The following NHS variants were observed in gnomAD, a reference collection of about 807,000 sequenced individuals.
The protein encoded by NHS is actin remodeling regulator NHS.
In NHS, 5 loss-of-function variants were observed where a neutral mutation model predicts 72.5. The observed-to-expected ratio is 0.07, with a 90% CI of 0.04 to 0.14. NHS has a LOEUF of 0.14. NHS is among the 10% of genes least tolerant of loss of function. The pLI is 1.00. For missense variants in NHS, 1,072 were observed against 1,355.7 expected (o/e 0.79, Z 3.29); for synonymous variants, 464 against 547.7 (o/e 0.85, Z 2.13).
intron 1 of NHS, among the ~76,000 whole-genome samples, chrX:17,475,401 T>C (rs751780252): frequency 8.9e-6 from 1 of 112,592 alleles, no homozygotes; most frequent in Non-Finnish European, 1.9e-5. Flanking sequence ...TTCTTTCAGA[T>C]AATGACCTGC....
chrX:17,564,096 C>CCTCG (rs2065429350), intron 1 of NHS, among the ~76,000 whole-genome samples: 1 of 111,634 alleles, frequency 9.0e-6, no homozygotes, highest in Non-Finnish European at 1.9e-5. Context: ...AGTACAATTA[C>CCTCG]CTCGCAGATC....
At chrX:17,693,009 G>A (rs956382774) in intron 3 of NHS, among the ~76,000 whole-genome samples, 1 of 111,854 alleles carries the variant, frequency 8.9e-6, no homozygotes, top group Non-Finnish European at 1.9e-5. Flanking sequence ...AACTGGTAAA[G>A]AACTTAAGTG....
At chrX:17,617,641 A>T (rs1162917855) in intron 1 of NHS, among the ~76,000 whole-genome samples, 1 of 112,043 alleles carries the variant, frequency 8.9e-6, no homozygotes, top group Non-Finnish European at 1.9e-5. Context: ...AGCACTCGGT[A>T]TTATTTATTT....
rs761204857 is a variant in NHS, at chrX:17,548,866, T to C, written c.566-138876T>C. Among the ~76,000 whole-genome samples, 14 of 111,230 alleles carry C rather than the reference T, an allele frequency of 1.3e-4. No individual in the cohort carries two copies. In the East Asian group the frequency reaches 4.0e-3, roughly 32 times the overall value. ...CTGGGGGATGGCTGCCCCCCCTTGC[T>C]TTTAAGGTGAACGTTGAATCAAGAC... On this transcript the variant is annotated intron_variant, in intron 1 of 8. Coordinates refer to ENST00000676302, the MANE Select transcript of NHS (RefSeq NM_001291867.2).
At chrX:17,652,612 T>A (rs2065935752) in intron 1 of NHS, among the ~76,000 whole-genome samples, 1 of 111,347 alleles carries the variant, frequency 9.0e-6, no homozygotes, top group South Asian at 3.8e-4. Flanking sequence ...AGAGTCTGGT[T>A]AATGAATTTA....
At chrX:17,402,024 G>T (rs141297413) in intron 1 of NHS, among the ~76,000 whole-genome samples, 465 of 111,683 alleles carry the variant, frequency 4.2e-3, no homozygotes, top group Middle Eastern at 0.014. Context: ...GTGGGCAAAA[G>T]ATTTGAATAG....
At chrX:17,671,301 G>A (rs181360432) in intron 1 of NHS, among the ~76,000 whole-genome samples, 274 of 112,477 alleles carry the variant, frequency 2.4e-3, no homozygotes, top group African/African-American at 8.2e-3. Flanking sequence ...ACTCAGCAGA[G>A]CTGCAGCAGA....
chrX:17,725,171 A>G (rs888454732), intron 6 of NHS, among the ~76,000 whole-genome samples, 176 bp from the exon 7 acceptor site: 1 of 110,290 alleles, frequency 9.1e-6, no homozygotes, highest in Non-Finnish European at 1.9e-5. Flanking sequence ...GGGGACGTGT[A>G]TATACACCCT....
At chrX:17,482,978 C>G (rs114650231) in intron 1 of NHS, among the ~76,000 whole-genome samples, 1 of 111,420 alleles carries the variant, frequency 9.0e-6, no homozygotes, top group South Asian at 3.8e-4. Context: ...CGTGGGGACA[C>G]GGAGCTGAGA....
chrX:17,524,348 T>G (rs2065163470), intron 1 of NHS, among the ~76,000 whole-genome samples: 1 of 112,109 alleles, frequency 8.9e-6, no homozygotes, highest in African/African-American at 3.2e-5. Context: ...CTCTTGTATA[T>G]GTACAGCTAT....
chrX:17,379,200 G>A (rs2064362578), intron 1 of NHS, among the ~76,000 whole-genome samples: 1 of 109,034 alleles, frequency 9.2e-6, no homozygotes, highest in Admixed American at 9.9e-5. Context: ...AGACAGGCTG[G>A]GGGGCTTCTT....
At chrX:17,637,847 ACT>A (rs1480688485) in intron 1 of NHS, among the ~76,000 whole-genome samples, 1 of 111,369 alleles carries the variant, frequency 9.0e-6, no homozygotes, top group Non-Finnish European at 1.9e-5. Context: ...GGAAAAACAA[ACT>A]CTCTGTTTTC....
chrX:17,422,592 C>T (rs1464258865), intron 1 of NHS, among the ~76,000 whole-genome samples: 3 of 111,633 alleles, frequency 2.7e-5, no homozygotes, highest in African/African-American at 9.8e-5. Context: ...GTTCTCCACT[C>T]ACTGGGTACC....
intron 1 of NHS, among the ~76,000 whole-genome samples, chrX:17,470,771 G>A (rs1161581837): frequency 9.0e-6 from 1 of 111,314 alleles, no homozygotes; most frequent in Non-Finnish European, 1.9e-5. Context: ...ATCTAATAAA[G>A]TAGACCTTTT....
At chrX:17,378,732 C>T (rs989170565) in intron 1 of NHS, among the ~76,000 whole-genome samples, 17 of 112,018 alleles carry the variant, frequency 1.5e-4, no homozygotes, top group African/African-American at 5.5e-4. Flanking sequence ...CCTCTGAGCA[C>T]ACACCTCAAA....
At chrX:17,428,852 G>C (rs1419773976) in intron 1 of NHS, among the ~76,000 whole-genome samples, 2 of 110,494 alleles carry the variant, frequency 1.8e-5, no homozygotes, top group African/African-American at 3.3e-5. Context: ...TTCTCTCTCT[G>C]TGTGTGTGTG....
At chrX:17,405,059 G>A (rs1429750981) in intron 1 of NHS, among the ~76,000 whole-genome samples, 1 of 111,934 alleles carries the variant, frequency 8.9e-6, no homozygotes, top group African/African-American at 3.2e-5. Flanking sequence ...GTGTTCAGTA[G>A]ATAACCTTCT....
intron 1 of NHS, among the ~76,000 whole-genome samples, chrX:17,503,410 A>G (rs1193505045): frequency 1.8e-5 from 2 of 112,165 alleles, no homozygotes; most frequent in African/African-American, 6.5e-5. Context: ...GGTACTTACT[A>G]TGTGTCAGGT....
At chrX:17,465,575 A>T (rs191509180) in intron 1 of NHS, among the ~76,000 whole-genome samples, 1 of 106,284 alleles carries the variant, frequency 9.4e-6, no homozygotes, top group African/African-American at 3.5e-5. Context: ...AGAGGCAAGA[A>T]TAGGGTTGCA....
Sources: gnomAD v4.1 joint callset for allele counts (sites outside exome capture counted in the v4.1 genomes callset) on GRCh38, gnomAD v4.1.1 for gene constraint, MANE v1.5 for transcripts, NCBI Gene and HGNC (gene_info 2026-07-23, HGNC 2026-07-21) for gene names.